KAZN: variants seen among roughly 807,000 people sequenced by gnomAD.
The protein encoded by KAZN is kazrin.
In KAZN, 40 loss-of-function variants were observed where a neutral mutation model predicts 87.4. The ratio of observed to expected loss-of-function variants is 0.46; its 90% CI spans 0.36 to 0.60. The LOEUF is 0.60. Ranked by LOEUF, KAZN falls within the 20% of genes least tolerant of loss-of-function variation. The pLI, the probability that KAZN is intolerant of heterozygous loss-of-function variation, is 0.00. For missense variants in KAZN, 898 were observed against 1,073.9 expected, an observed-to-expected ratio of 0.84 and a Z score of 2.29; for synonymous variants, 466 against 458.3, an observed-to-expected ratio of 1.02 and a Z score of -0.22.
At chr1:14,237,297 C>T (rs531161874) in intron 2 of KAZN, among the ~76,000 whole-genome samples, 4 of 152,264 alleles carry the variant, frequency 2.6e-5, no homozygotes, top group African/African-American at 7.2e-5. Context: ...GAAGGGCCAG[C>T]GTATTTCCCC....
intron 1 of KAZN, among the ~76,000 whole-genome samples, chr1:13,990,772 A>G (rs549077799): frequency 2.0e-5 from 3 of 152,210 alleles, no homozygotes; most frequent in Non-Finnish European, 2.9e-5. Flanking sequence ...TTTGAAACGC[A>G]TGACTAAATG....
At chr1:14,415,996 T>G (rs1409188937) in intron 2 of KAZN, among the ~76,000 whole-genome samples, 1 of 152,092 alleles carries the variant, frequency 6.6e-6, no homozygotes, top group Admixed American at 6.5e-5. Flanking sequence ...AGACACCACA[T>G]GCAGGAGATG....
At chr1:14,175,167 A>T (rs1357175704) in intron 1 of KAZN, among the ~76,000 whole-genome samples, 1 of 152,146 alleles carries the variant, frequency 6.6e-6, no homozygotes, top group Non-Finnish European at 1.5e-5. Context: ...GCAGTGGCGC[A>T]ATCTCGGCTC....
Position 14,108,150 on chromosome 1 carries a change from C to A in KAZN, c.92-72285C>A, listed in dbSNP as rs575711478. Reference sequence around the variant, plus strand: ...TCACTGAGGATGCTTTTTTTGTACCCCAAACTCCTCCAGTCTCACCGCTCT... The same window carrying A: ...TCACTGAGGATGCTTTTTTTGTACCACAAACTCCTCCAGTCTCACCGCTCT... On this transcript the variant is annotated intron_variant, in intron 1 of 16. Coordinates refer to the KAZN transcript ENST00000636203. Among the ~76,000 whole-genome samples, 16 of 152,070 alleles carry A rather than the reference C, an allele frequency of 1.1e-4. No individual in the cohort carries two copies. In the South Asian group the frequency reaches 3.3e-3, roughly 32 times the overall value.
chr1:14,587,003 A>G (rs1373504054), intron 2 of KAZN, among the ~76,000 whole-genome samples: 1 of 152,244 alleles, frequency 6.6e-6, no homozygotes, highest in East Asian at 1.9e-4. Flanking sequence ...TGAAGCTATG[A>G]GAACCACAGA....
At chr1:14,273,381 C>T (rs1652103721) in intron 2 of KAZN, among the ~76,000 whole-genome samples, 1 of 151,866 alleles carries the variant, frequency 6.6e-6, no homozygotes, top group Non-Finnish European at 1.5e-5. Context: ...GTCTCCTGGC[C>T]CTAAAATTCC....
At chr1:14,397,253 G>C (rs1319674003) in intron 2 of KAZN, among the ~76,000 whole-genome samples, 5 of 151,220 alleles carry the variant, frequency 3.3e-5, no homozygotes, top group Non-Finnish European at 5.9e-5. Flanking sequence ...TTGAACAATG[G>C]AAGTTTCTCA....
At chr1:14,733,523 AGAGTC>A (rs1643776294) in intron 1 of KAZN, among the ~76,000 whole-genome samples, 1 of 152,140 alleles carries the variant, frequency 6.6e-6, no homozygotes, top group African/African-American at 2.4e-5. Context: ...TGGAGCCTTC[AGAGTC>A]GGGCAGAGAT....
intron 2 of KAZN, among the ~76,000 whole-genome samples, chr1:14,192,385 G>C (rs1046625610): frequency 6.6e-6 from 1 of 152,158 alleles, no homozygotes. Flanking sequence ...CTGAGCAGAG[G>C]TGTCTGGTCA....
At chr1:14,580,848 A>G (rs1675503257) in intron 2 of KAZN, among the ~76,000 whole-genome samples, 1 of 152,186 alleles carries the variant, frequency 6.6e-6, no homozygotes, top group African/African-American at 2.4e-5. Context: ...GTCATCAATC[A>G]TCAATGTCAT....
At chr1:14,391,790 G>T (rs1662458532) in intron 2 of KAZN, among the ~76,000 whole-genome samples, 1 of 152,140 alleles carries the variant, frequency 6.6e-6, no homozygotes, top group African/African-American at 2.4e-5. Context: ...TGGGGGCAGG[G>T]TATTCCATTC....
intron 1 of KAZN, among the ~76,000 whole-genome samples, chr1:14,898,746 TC>T (rs1655535125): frequency 6.6e-6 from 1 of 151,944 alleles, no homozygotes; most frequent in African/African-American, 2.4e-5. Context: ...TACAGAACAG[TC>T]CCAATTTCAA....
chr1:14,492,289 G>C (rs140201276), intron 2 of KAZN, among the ~76,000 whole-genome samples: 7 of 152,084 alleles, frequency 4.6e-5, no homozygotes, highest in African/African-American at 1.7e-4. Context: ...TGGAATTTGG[G>C]GACCCCACAG....
intron 1 of KAZN, among the ~76,000 whole-genome samples, chr1:14,664,155 G>A (rs562375267): frequency 1.9e-4 from 29 of 152,308 alleles, no homozygotes; most frequent in Admixed American, 7.9e-4. Context: ...CTGACTGGCC[G>A]GGCGTAGTGG....
intron 1 of KAZN, among the ~76,000 whole-genome samples, chr1:13,996,498 C>A (rs1639523822): frequency 6.6e-6 from 1 of 152,182 alleles, no homozygotes; most frequent in Non-Finnish European, 1.5e-5. Context: ...TGTGCTTTTT[C>A]CCTGCTGAAG....
At chr1:14,201,081 G>T (rs1272070496) in intron 2 of KAZN, among the ~76,000 whole-genome samples, 4 of 152,170 alleles carry the variant, frequency 2.6e-5, no homozygotes, top group Admixed American at 2.0e-4. Context: ...TGCCTATTGG[G>T]TTAGATAATG....
intron 1 of KAZN, among the ~76,000 whole-genome samples, chr1:13,909,302 G>T (rs562900953): frequency 8.6e-4 from 131 of 152,316 alleles, no homozygotes; most frequent in African/African-American, 3.0e-3. Context: ...GACAGTGTGA[G>T]TCTTTCTCCT....
At chr1:15,059,253 A>G (rs1268707921) in intron 5 of KAZN, among the ~76,000 whole-genome samples, 1 of 152,136 alleles carries the variant, frequency 6.6e-6, no homozygotes, top group Non-Finnish European at 1.5e-5. Context: ...AAGCACTTTG[A>G]TAAGAACCAA....
chr1:14,491,965 G>A (rs549794472), intron 2 of KAZN, among the ~76,000 whole-genome samples: 5 of 152,064 alleles, frequency 3.3e-5, no homozygotes, highest in South Asian at 2.1e-4. Flanking sequence ...TCAGTGTCTC[G>A]AGCAGTAAGA....
Sources: gnomAD v4.1 joint callset for allele counts (sites outside exome capture counted in the v4.1 genomes callset) on GRCh38, gnomAD v4.1.1 for gene constraint, MANE v1.5 for transcripts, NCBI Gene and HGNC (gene_info 2026-07-23, HGNC 2026-07-21) for gene names.